The following PRORP variants were observed in gnomAD, a reference collection of about 807,000 sequenced individuals.
PRORP encodes mitochondrial ribonuclease P catalytic subunit.
PRORP carries 51 observed loss-of-function variants against 59.4 expected under a neutral mutation model. The ratio of observed to expected loss-of-function variants is 0.86; its 90% CI spans 0.69 to 1.08. PRORP has a LOEUF of 1.08. Ranked by LOEUF, PRORP falls within the 50% of genes least tolerant of loss-of-function variation. The pLI, the probability that PRORP is intolerant of heterozygous loss-of-function variation, is 0.00. For synonymous variants in PRORP, 231 were observed against 245.6 expected, an observed-to-expected ratio of 0.94 and a Z score of 0.55; for missense variants, 646 against 690.3, an observed-to-expected ratio of 0.94 and a Z score of 0.72.
At chr14:35,124,284 T>C (rs566826000) in intron 2 of PRORP, 53 bp downstream of exon 2, 4 of 1,267,682 alleles carry the variant, frequency 3.2e-6, no homozygotes, top group Admixed American at 2.6e-5. Context: ...TTTTTTTTTT[T>C]TGAGACAGGG....
At chr14:35,127,143 G>C (rs1323040549) in intron 3 of PRORP, among the ~76,000 whole-genome samples, 1 of 152,026 alleles carries the variant, frequency 6.6e-6, no homozygotes, top group Non-Finnish European at 1.5e-5. Context: ...TGTAATCCCA[G>C]CACTTTGGGA....
intron 4 of PRORP, among the ~76,000 whole-genome samples, chr14:35,169,857 T>G (rs2048272790): frequency 2.0e-5 from 3 of 152,210 alleles, no homozygotes; most frequent in African/African-American, 7.2e-5. Flanking sequence ...AGATATAGAT[T>G]TGTCTTCGAA....
At chr14:35,259,721 G>A (rs1296922398) in intron 5 of PRORP, among the ~76,000 whole-genome samples, 1 of 151,654 alleles carries the variant, frequency 6.6e-6, no homozygotes, top group Non-Finnish European at 1.5e-5. Context: ...TGAAAATCGG[G>A]CTTTACTAAA....
intron 5 of PRORP, among the ~76,000 whole-genome samples, chr14:35,232,960 A>G (rs2050119879): frequency 6.6e-6 from 1 of 152,194 alleles, no homozygotes; most frequent in African/African-American, 2.4e-5. Context: ...GGCATGAGCC[A>G]CTGCGCCCAG....
At chr14:35,159,636 C>T (rs150981003) in intron 4 of PRORP, among the ~76,000 whole-genome samples, 40 of 152,208 alleles carry the variant, frequency 2.6e-4, no homozygotes, top group African/African-American at 7.2e-4. Flanking sequence ...GTAATAAATA[C>T]AGTTATTTAT....
chr14:35,188,961 A>AAAAGAAAGAAAG lies in PRORP; in HGVS notation c.1275+8188_1275+8189insAAAGAAAGAAAG, dbSNP rs1555326789. On this transcript the variant is annotated intron_variant, in intron 5 of 7. Transcript: ENST00000534898. ...CTGTCTAAAAAAAAAAAAAAAAAAAAAAAGTATTGCCTAATCCAAGGTCAT... is the reference window on the plus strand; with the variant it reads ...CTGTCTAAAAAAAAAAAAAAAAAAAAAAAGAAAGAAAGAAAGTATTGCCTAATCCAAGGTCAT... 5.9e-4 allele frequency among the ~76,000 whole-genome samples: 78 copies of AAAAGAAAGAAAG among 132,748 alleles called. 1 individual carries two copies. Among genetic ancestry groups the AAAAGAAAGAAAG allele is most frequent in the Admixed American group, 1.4e-3 (17 of 12,240 alleles). 87.1% of individuals were successfully genotyped at this position (132,748 alleles called of 152,430 possible). A position where few individuals can be genotyped will look rare whatever the true frequency, so the allele number is the denominator to read the frequency against.
chr14:35,170,809 G>A (rs982086377), intron 4 of PRORP, among the ~76,000 whole-genome samples: 2 of 151,738 alleles, frequency 1.3e-5, no homozygotes, highest in African/African-American at 4.8e-5. Context: ...CCTTCAGCCT[G>A]AAGAAATTGC....
intron 5 of PRORP, among the ~76,000 whole-genome samples, chr14:35,264,384 G>C (rs367894072): frequency 6.6e-6 from 1 of 151,698 alleles, no homozygotes; most frequent in African/African-American, 2.4e-5. Context: ...GGCCTCCCAA[G>C]GTGCTGGGAT....
intron 4 of PRORP, among the ~76,000 whole-genome samples, chr14:35,178,156 C>T (rs1184888226): frequency 6.6e-6 from 1 of 152,112 alleles, no homozygotes; most frequent in African/African-American, 2.4e-5. Flanking sequence ...GAGTGCTTTA[C>T]TTCCAACTAT....
chr14:35,241,076 T>C (rs547871315), intron 5 of PRORP, among the ~76,000 whole-genome samples: 1 of 152,124 alleles, frequency 6.6e-6, no homozygotes, highest in Non-Finnish European at 1.5e-5. Flanking sequence ...TAGAGATGAT[T>C]TTAAATATAT....
chr14:35,173,914 A>T (rs530196003), intron 4 of PRORP, among the ~76,000 whole-genome samples: 1 of 152,066 alleles, frequency 6.6e-6, no homozygotes, highest in South Asian at 2.1e-4. Flanking sequence ...GTGGTGATTG[A>T]TGCTAGCTGG....
chr14:35,194,106 A>T (rs1473442138), intron 5 of PRORP, among the ~76,000 whole-genome samples: 1 of 152,184 alleles, frequency 6.6e-6, no homozygotes, highest in Non-Finnish European at 1.5e-5. Flanking sequence ...TAGGGAGAAG[A>T]GAGAGACTGC....
intron 4 of PRORP, among the ~76,000 whole-genome samples, chr14:35,176,282 T>G (rs1010603849): frequency 6.6e-6 from 1 of 152,158 alleles, no homozygotes; most frequent in Non-Finnish European, 1.5e-5. Flanking sequence ...GTGAAGAAAG[T>G]CATTGGTAGC....
rs75724303 is a variant in PRORP, at chr14:35,142,363, C to T, written c.1167+14752C>T. Among the ~76,000 whole-genome samples the T allele has an allele frequency of 1.1e-3, 143 of 126,488 alleles. 18 individuals carry two copies. The highest frequency in any genetic ancestry group is 1.9e-3 in the Non-Finnish European group (111 of 59,316). 83.0% of individuals were successfully genotyped at this position (126,488 alleles called of 152,430 possible). On this transcript the variant is annotated intron_variant, in intron 4 of 7. Transcript: ENST00000534898. ...CATTGCTTTTTTTTTTTTTTTTTTC[C>T]AAGAGATGACGCCTTGCTCTTTTGC...
chr14:35,266,381 C>G lies in PRORP; in HGVS notation c.1276-346C>G, dbSNP rs184975653. 1.7e-3 allele frequency among the ~76,000 whole-genome samples: 265 copies of G among 151,544 alleles called. 2 individuals carry two copies. Among genetic ancestry groups the G allele is most frequent in the African/African-American group, 6.1e-3 (253 of 41,312 alleles). On this transcript the variant is annotated intron_variant, in intron 5 of 7. Coordinates refer to ENST00000534898, the MANE Select transcript of PRORP (RefSeq NM_014672.4). ...TCTGTGGTCCCAACTACTCAGGAGG[C>G]TGAAGTGGGAGGATTGCTTGAGCCC...
chr14:35,261,458 C>T (rs145822479), intron 5 of PRORP, among the ~76,000 whole-genome samples: 2,994 of 152,226 alleles, frequency 0.02, 108 homozygotes, highest in African/African-American at 0.064. Flanking sequence ...TAGCCAGGCG[C>T]GGTGGCTCAC....
chr14:35,172,453 C>CTTTCTTTCTTTCTT (rs2048337500), intron 4 of PRORP, among the ~76,000 whole-genome samples: 1 of 46,708 alleles, frequency 2.1e-5, no homozygotes, highest in Non-Finnish European at 5.2e-5. Flanking sequence ...TCCTTCCTTC[C>CTTTCTTTCTTTCTT]TTCTTTCTTT....
In PRORP at chr14:35,275,073, A is replaced by C. The variant is rs1377341495; in HGVS notation, c.*1507A>C. The C allele has an allele frequency of 6.6e-6, 1 of 152,170 alleles. No individual in the cohort carries two copies. Among genetic ancestry groups the C allele is most frequent in the African/African-American group, 2.4e-5 (1 of 41,430 alleles). The allele number at this position is 152,170 out of a possible 1,614,324, so 9.4% of individuals were successfully genotyped here. ...GAATAGTAATTGCCTGAGGAAAGGG[A>C]TATGAGAGAACTTGAGAGAACTTTC... On this transcript the variant is annotated 3_prime_UTR_variant, in exon 8 of 8. Coordinates refer to ENST00000534898, the MANE Select transcript of PRORP (RefSeq NM_014672.4).
chr14:35,210,353 A>G (rs2049406874), intron 5 of PRORP, among the ~76,000 whole-genome samples: 1 of 152,194 alleles, frequency 6.6e-6, no homozygotes, highest in South Asian at 2.1e-4. Context: ...AATATGTTTC[A>G]TCTTATTCTC....
Sources: gnomAD v4.1 joint callset for allele counts (sites outside exome capture counted in the v4.1 genomes callset) on GRCh38, gnomAD v4.1.1 for gene constraint, MANE v1.5 for transcripts, NCBI Gene and HGNC (gene_info 2026-07-23, HGNC 2026-07-21) for gene names.